GPR135: variants seen among roughly 807,000 people sequenced by gnomAD.
GPR135 encodes G-protein coupled receptor 135.
In GPR135, 17 loss-of-function variants were observed where a neutral mutation model predicts 15.0. The ratio of observed to expected loss-of-function variants is 1.13; its 90% CI spans 0.78 to 1.70. GPR135 has a LOEUF of 1.70. Among genes scored for constraint, GPR135 ranks in the 40% most tolerant of loss-of-function variants. The pLI is 0.00. For synonymous variants in GPR135, 368 were observed against 349.4 expected, an observed-to-expected ratio of 1.05 and a Z score of -0.59; for missense variants, 776 against 727.0, an observed-to-expected ratio of 1.07 and a Z score of -0.78.
rs755647600 is a variant in GPR135, at chr14:59,464,283, T to A, written c.944A>T (p.Asn315Ile). The change falls in exon 1 of 1, where the codon AAC (asparagine) becomes ATC (isoleucine). Residue 315 changes from asparagine (N) to isoleucine (I), a missense_variant. Coordinates refer to ENST00000395116, the MANE Select transcript of GPR135 (RefSeq NM_022571.6). ...RLSDVRVRPV[N>I]TYARVLRFFS... ...GAAGCGCAGCACGCGCGCGTAGGTG[T>A]TCACCGGCCGCACGCGCACGTCCGA... 4 of 1,611,882 alleles carry A rather than the reference T, an allele frequency of 2.5e-6. No individual in the cohort carries two copies. In the African/African-American group the frequency reaches 5.3e-5, roughly 22 times the overall value.
chr14:59,458,114 G>T (rs892892426), downstream of GPR135, among the ~76,000 whole-genome samples: 4 of 152,160 alleles, frequency 2.6e-5, no homozygotes, highest in Admixed American at 6.5e-5. Context: ...GAAGCTTCTG[G>T]TGGTGTTCTT....
downstream of GPR135, chr14:59,460,596 T>C (rs2139768602): frequency 6.6e-6 from 1 of 152,330 alleles, no homozygotes; most frequent in Admixed American, 6.5e-5. Flanking sequence ...TTCTCATCTG[T>C]AAAATGGGGA....
downstream of GPR135, among the ~76,000 whole-genome samples, chr14:59,458,394 G>GCCC (rs1321543755): frequency 6.6e-6 from 1 of 152,148 alleles, no homozygotes; most frequent in Non-Finnish European, 1.5e-5. Context: ...TAAACTAGCT[G>GCCC]CCCTGTGGTT....
rs567969967 is a variant in GPR135, at chr14:59,454,458, T to A, written c.*874+1226A>T. On this transcript the variant is annotated intron_variant and NMD_transcript_variant, in intron 6 of 6. Transcript: ENST00000481661. ...CATTTGTGACCTATTCTGTGACTAA[T>A]TCTGTGAAGCAATGAGTGTAGGAGC... 3.1e-4 allele frequency among the ~76,000 whole-genome samples: 47 copies of A among 152,320 alleles called. No homozygotes were observed. In the South Asian group the frequency reaches 9.7e-3, roughly 32 times the overall value.
chr14:59,463,634 A>G lies in GPR135; in HGVS notation c.*108T>C. On this transcript the variant is annotated 3_prime_UTR_variant, in exon 1 of 1. Coordinates refer to ENST00000395116, the MANE Select transcript of GPR135 (RefSeq NM_022571.6). ...AAAGTGGTAAGCCTCCCCCGTCTCT[A>G]GCTTTAAATGTTTGGCTTTATGAAA... 2 of 1,086,668 alleles carry G rather than the reference A, an allele frequency of 1.8e-6. No individual in the cohort carries two copies. Among genetic ancestry groups the G allele is most frequent in the Non-Finnish European group, 2.6e-6 (2 of 769,466 alleles). 67.3% of individuals were successfully genotyped at this position (1,086,668 alleles called of 1,614,324 possible).
chr14:59,463,985 G>T lies in GPR135; in HGVS notation c.1242C>A (p.Phe414Leu). The change falls in exon 1 of 1, where the codon TTC becomes TTA. Residue 414 changes from phenylalanine to leucine, a missense_variant. Coordinates refer to ENST00000395116, the MANE Select transcript of GPR135 (RefSeq NM_022571.6). ...EGYRTRNVDA[F>L]LPSQGPGLQA... Reference sequence around the variant, plus strand: ...GCAGACCCGGGCCCTGGCTGGGCAGGAAAGCGTCCACATTCCTAGTCCGGT... The same window carrying T: ...GCAGACCCGGGCCCTGGCTGGGCAGTAAAGCGTCCACATTCCTAGTCCGGT... 6.2e-7 allele frequency: 1 copy of T among 1,614,044 alleles called. No homozygotes were observed.
rs752583376 is a variant in GPR135, at chr14:59,464,327, G to A, written c.900C>T (p.Ile300=). Reference sequence around the variant, plus strand: ...CGTCCGACAGGCGCACCGTCTTGCAGATGTGGTAGTGGCAGAAGCACATGA... The same window carrying A: ...CGTCCGACAGGCGCACCGTCTTGCAAATGTGGTAGTGGCAGAAGCACATGA... The part of the protein sequence containing the change: ...FLLMCFCHYH[I]CKTVRLSDVR... Residue 300 remains isoleucine (I), a synonymous_variant, in exon 1 of 1, where the codon ATC becomes ATT. Coordinates refer to ENST00000395116, the MANE Select transcript of GPR135 (RefSeq NM_022571.6). 3 of 1,611,078 alleles carry A rather than the reference G, an allele frequency of 1.9e-6. No individual in the cohort carries two copies. The highest frequency in any genetic ancestry group is 2.5e-6 in the Non-Finnish European group (3 of 1,179,008).
At chr14:59,454,737 C>T (rs754919057) in intron 6 of GPR135, among the ~76,000 whole-genome samples, 10 of 152,106 alleles carry the variant, frequency 6.6e-5, no homozygotes, top group Admixed American at 3.3e-4. Context: ...ACACACAAAG[C>T]TGTAAAAGCC....
downstream of GPR135, among the ~76,000 whole-genome samples, chr14:59,457,787 G>A (rs1388132371): frequency 2.0e-5 from 3 of 152,098 alleles, no homozygotes; most frequent in African/African-American, 7.2e-5. Context: ...ACTTTAAAGA[G>A]TTTGTTAAAT....
intron 6 of GPR135, among the ~76,000 whole-genome samples, chr14:59,453,840 A>C (rs988122861): frequency 6.6e-6 from 1 of 152,218 alleles, no homozygotes; most frequent in Non-Finnish European, 1.5e-5. Context: ...TATCGTGTAC[A>C]TATTATCTAT....
downstream of GPR135, chr14:59,456,311 A>G (rs1179863185): frequency 6.6e-6 from 1 of 152,252 alleles, no homozygotes; most frequent in Non-Finnish European, 1.5e-5. Context: ...TGAAGGGAGA[A>G]GTATCAAAGA....
chr14:59,463,814 T>A lies in GPR135; in HGVS notation c.1413A>T (p.Arg471=). The part of the protein sequence containing the change: ...ARKNPVVLFC[R]EGPPEPVTAV... ...CCGTCACCGGCTCTGGTGGTCCCTC[T>A]CGGCAGAAAAGTACAACTGGATTTT... The change falls in exon 1 of 1, where the codon CGA becomes CGT. Residue 471 remains arginine (R), a synonymous_variant. Coordinates refer to ENST00000395116, the MANE Select transcript of GPR135 (RefSeq NM_022571.6). 1 of 1,614,182 alleles carries A rather than the reference T, an allele frequency of 6.2e-7. No individual in the cohort carries two copies. The highest frequency in any genetic ancestry group is 8.5e-7 in the Non-Finnish European group (1 of 1,180,008).
In GPR135 at chr14:59,464,284, T is replaced by C; in HGVS notation, c.943A>G (p.Asn315Asp). ...AAGCGCAGCACGCGCGCGTAGGTGT[T>C]CACCGGCCGCACGCGCACGTCCGAC... ...RLSDVRVRPV[N>D]TYARVLRFFS... Residue 315 changes from asparagine (N) to aspartate (D), a missense_variant, in exon 1 of 1, where the codon AAC becomes GAC. Asn to Asp is a conservative substitution (Grantham distance 23). Transcript: ENST00000395116. 6.2e-7 allele frequency: 1 copy of C among 1,612,006 alleles called. No homozygotes were observed. The highest frequency in any genetic ancestry group is 8.5e-7 in the Non-Finnish European group (1 of 1,179,712).
At chr14:59,457,853 G>A (rs1273069003), downstream of GPR135, among the ~76,000 whole-genome samples, 1 of 151,786 alleles carries the variant, frequency 6.6e-6, no homozygotes, top group Non-Finnish European at 1.5e-5. Flanking sequence ...TTTTTTTCCT[G>A]GGTACGGTTC....
Position 59,463,640 on chromosome 14 carries a change from A to T in GPR135, c.*102T>A. On this transcript the variant is annotated 3_prime_UTR_variant, in exon 1 of 1. Transcript: ENST00000395116. The stretch of plus-strand genomic sequence containing the variant: ...GTAAGCCTCCCCCGTCTCTAGCTTT[A>T]AATGTTTGGCTTTATGAAATCCACA... 8.7e-7 allele frequency: 1 copy of T among 1,147,658 alleles called. No individual in the cohort carries two copies. The highest frequency in any genetic ancestry group is 1.2e-6 in the Non-Finnish European group (1 of 821,374). 71.1% of individuals were successfully genotyped at this position (1,147,658 alleles called of 1,614,324 possible).
Position 59,464,341 on chromosome 14 carries a change from A to G in GPR135, c.886T>C (p.Cys296Arg). 6.2e-7 allele frequency: 1 copy of G among 1,610,296 alleles called. No individual in the cohort carries two copies. Among genetic ancestry groups the G allele is most frequent in the African/African-American group, 1.3e-5 (1 of 75,024 alleles). ...YLLPFLLMCF[C>R]HYHICKTVRL... The stretch of plus-strand genomic sequence containing the variant: ...ACCGTCTTGCAGATGTGGTAGTGGC[A>G]GAAGCACATGAGCAGGAAGGGCAGC... The change falls in exon 1 of 1, where the codon TGC becomes CGC. Residue 296 changes from cysteine to arginine, a missense_variant. Physicochemically the swap from Cys to Arg is radical, Grantham distance 180 (BLOSUM62 -3). Coordinates refer to ENST00000395116, the MANE Select transcript of GPR135 (RefSeq NM_022571.6).
Position 59,464,996 on chromosome 14 carries a change from T to G in GPR135, c.231A>C (p.Ala77=). The G allele has an allele frequency of 7.2e-7, 1 of 1,398,532 alleles. No homozygotes were observed. Among genetic ancestry groups the G allele is most frequent in the Non-Finnish European group, 9.2e-7 (1 of 1,082,570 alleles). 86.6% of individuals were successfully genotyped at this position (1,398,532 alleles called of 1,614,324 possible). Residue 77 remains alanine, a synonymous_variant, in exon 1 of 1, where the codon GCA becomes GCC. Coordinates refer to ENST00000395116, the MANE Select transcript of GPR135 (RefSeq NM_022571.6). ...PGGGGLGGSG[A]AREAGAAVRR... ...TCACCGCCGCCCCCGCCTCCCGCGCTGCCCCGGACCCGCCAAGGCCGCCGC... is the reference window on the plus strand; with the variant it reads ...TCACCGCCGCCCCCGCCTCCCGCGCGGCCCCGGACCCGCCAAGGCCGCCGC...
At chr14:59,454,776 T>G (rs1253128) in intron 6 of GPR135, among the ~76,000 whole-genome samples, 3,213 of 152,106 alleles carry the variant, frequency 0.021, 115 homozygotes, top group African/African-American at 0.073. Flanking sequence ...ACTAGATAAA[T>G]ATGTTTTCAG....
At chr14:59,454,510 T>C (rs1888588192) in intron 6 of GPR135, among the ~76,000 whole-genome samples, 1 of 152,164 alleles carries the variant, frequency 6.6e-6, no homozygotes, top group African/African-American at 2.4e-5. Context: ...GAGAAAGGAA[T>C]CTGAGTTGAA....
Sources: gnomAD v4.1 joint callset for allele counts (sites outside exome capture counted in the v4.1 genomes callset) on GRCh38, gnomAD v4.1.1 for gene constraint, MANE v1.5 for transcripts, NCBI Gene and HGNC (gene_info 2026-07-23, HGNC 2026-07-21) for gene names.